Variants in RALGPS2 observed in about 807,000 individuals in gnomAD.
RALGPS2 encodes Ral GEF with PH domain and SH3 binding motif 2.
Under a neutral mutation model 86.8 loss-of-function variants are expected in RALGPS2, and 43 were observed. The observed-to-expected ratio is 0.50, with a 90% confidence interval of 0.39 to 0.64. The LOEUF (loss-of-function observed/expected upper bound fraction) is 0.64. Ranked by LOEUF, RALGPS2 falls within the 30% of genes least tolerant of loss-of-function variation. The probability of loss-of-function intolerance (pLI) is 0.00; values close to 1 mark genes in which losing one functional copy is unlikely to be tolerated. For synonymous variants in RALGPS2, 243 were observed against 231.3 expected (o/e 1.05, Z -0.46); for missense variants, 536 against 694.6 (o/e 0.77, Z 2.57).
Position 178,886,028 on chromosome 1 carries a change from C to T in RALGPS2, c.1100C>T (p.Pro367Leu). ...AGTGCAACGTTTCCAAATGCAGGAC[C>T]AAGACATCTGTTAGATGATAGCGTC... ...FKSATFPNAG[P>L]RHLLDDSVME... Residue 367 changes from proline to leucine, a missense_variant, in exon 13 of 20, where the codon CCA (proline) becomes CTA (leucine). By Grantham distance (98) the Pro-to-Leu change is moderately conservative (BLOSUM62 -3). This residue lies in a region of RALGPS2 where 309 missense variants were observed against 363.0 expected (regional missense o/e 0.85). Transcript: ENST00000367635. 1 of 1,612,768 alleles carries T rather than the reference C, an allele frequency of 6.2e-7. No homozygotes were observed. Among genetic ancestry groups the T allele is most frequent in the Non-Finnish European group, 8.5e-7 (1 of 1,179,338 alleles).
At chr1:178,789,533 A>G (rs1439940754) in intron 4 of RALGPS2, among the ~76,000 whole-genome samples, 1 of 152,232 alleles carries the variant, frequency 6.6e-6, no homozygotes, top group African/African-American at 2.4e-5. Context: ...GAGAAAGGCT[A>G]GAGGAACAGA....
chr1:178,856,394 ATTTTTTT>A (rs71108081), intron 8 of RALGPS2, among the ~76,000 whole-genome samples: 513 of 36,370 alleles, frequency 0.014, 3 homozygotes, highest in African/African-American at 0.023. Flanking sequence ...TGCCTGGCTA[ATTTTTTT>A]TTTTTTTTTT....
chr1:178,743,855 A>G lies in RALGPS2; in HGVS notation c.-84+18436A>G, dbSNP rs536431439. Among the ~76,000 whole-genome samples the G allele has an allele frequency of 1.5e-4, 23 of 152,332 alleles. No individual in the cohort carries two copies. The South Asian group carries it at 4.1e-3, about 27-fold the overall frequency. Reference sequence around the variant, plus strand: ...TTAAAGAAATTGAATTTGTGATTACAATATTTCCACACCAAAAAAAAACCC... The same window carrying G: ...TTAAAGAAATTGAATTTGTGATTACGATATTTCCACACCAAAAAAAAACCC... On this transcript the variant is annotated intron_variant, in intron 1 of 19. Transcript: ENST00000367635.
intron 8 of RALGPS2, chr1:178,865,487 C>T (rs199755875): frequency 1.5e-5 from 25 of 1,613,934 alleles, no homozygotes; most frequent in Middle Eastern, 1.6e-4. Flanking sequence ...ATCTATCTCC[C>T]GCTTCTGCCT....
chr1:178,886,851 GA>G (rs1659504969), intron 13 of RALGPS2, among the ~76,000 whole-genome samples: 2 of 152,204 alleles, frequency 1.3e-5, no homozygotes, highest in African/African-American at 4.8e-5. Context: ...CTGAATGTGT[GA>G]ATATCAAATG....
rs528735623 is a variant in RALGPS2, at chr1:178,761,723, G to A, written c.-83-14959G>A. Reference sequence around the variant, plus strand: ...TTACAGGCACGCACCATCACACCTGGCTAATTTTTGTGTTTTTAGTAGAGA... The same window carrying A: ...TTACAGGCACGCACCATCACACCTGACTAATTTTTGTGTTTTTAGTAGAGA... On this transcript the variant is annotated intron_variant, in intron 1 of 19. Coordinates refer to ENST00000367635, the MANE Select transcript of RALGPS2 (RefSeq NM_152663.5). Among the ~76,000 whole-genome samples the A allele has an allele frequency of 2.0e-5, 3 of 151,948 alleles. No homozygotes were observed. In the South Asian group the frequency reaches 6.3e-4, roughly 32 times the overall value.
At chr1:178,755,728 A>C (rs1412529484) in intron 1 of RALGPS2, among the ~76,000 whole-genome samples, 1 of 152,204 alleles carries the variant, frequency 6.6e-6, no homozygotes, top group Non-Finnish European at 1.5e-5. Flanking sequence ...GCTGTGTCAA[A>C]TGGTAGTTCT....
chr1:178,779,006 T>C (rs567030409), intron 2 of RALGPS2, among the ~76,000 whole-genome samples: 63 of 152,330 alleles, frequency 4.1e-4, no homozygotes, highest in African/African-American at 1.5e-3. Context: ...AATTTCTTTT[T>C]AGAGTATTTT....
intron 1 of RALGPS2, among the ~76,000 whole-genome samples, chr1:178,736,213 T>TG (rs1650694870): frequency 6.7e-6 from 1 of 148,984 alleles, no homozygotes; most frequent in Non-Finnish European, 1.5e-5. Context: ...TCGCCCAGCC[T>TG]GGAGTGCAGT....
At chr1:178,733,835 G>A (rs1312699111) in intron 1 of RALGPS2, among the ~76,000 whole-genome samples, 1 of 152,170 alleles carries the variant, frequency 6.6e-6, no homozygotes, top group Non-Finnish European at 1.5e-5. Context: ...GACACAAAGT[G>A]ACACCAAAAG....
chr1:178,820,219 T>A (rs1490185514), intron 6 of RALGPS2, among the ~76,000 whole-genome samples: 1 of 152,196 alleles, frequency 6.6e-6, no homozygotes. Flanking sequence ...AACAAAACTT[T>A]GACTTTTCAG....
chr1:178,816,498 G>A (rs756042559), intron 6 of RALGPS2, among the ~76,000 whole-genome samples: 6 of 151,898 alleles, frequency 4.0e-5, no homozygotes, highest in Non-Finnish European at 8.8e-5. Context: ...TCAGAAATAA[G>A]TATTTTTTCC....
At chr1:178,809,796 T>A (rs55958411) in intron 5 of RALGPS2, among the ~76,000 whole-genome samples, 2 of 152,046 alleles carry the variant, frequency 1.3e-5, no homozygotes, top group Non-Finnish European at 2.9e-5. Flanking sequence ...AGGCAGGGGC[T>A]GCATGGTCTT....
chr1:178,790,374 CAT>C (rs1242672419), intron 4 of RALGPS2, among the ~76,000 whole-genome samples: 1 of 152,162 alleles, frequency 6.6e-6, no homozygotes, highest in Non-Finnish European at 1.5e-5. Context: ...ATATTAAAGA[CAT>C]ATAACAAAGC....
chr1:178,765,773 C>G lies in RALGPS2; in HGVS notation c.-83-10909C>G, dbSNP rs567800012. On this transcript the variant is annotated intron_variant, in intron 1 of 19. Coordinates refer to ENST00000367635, the MANE Select transcript of RALGPS2 (RefSeq NM_152663.5). The stretch of plus-strand genomic sequence containing the variant: ...AGAGATCTCCCTTTGGTAATGCATT[C>G]TCTTTCTCAGGGATGTTGCTTGCTG... Among the ~76,000 whole-genome samples the G allele has an allele frequency of 3.3e-5, 5 of 152,310 alleles. No individual in the cohort carries two copies. In the East Asian group the frequency reaches 9.7e-4, roughly 29 times the overall value.
rs965857576 is a variant in RALGPS2, at chr1:178,920,961, G to A, written c.*4602G>A. Reference sequence around the variant, plus strand: ...AAGTAAAAATATCTCTAATATATAAGTTAAAGGAAAGTTAAGAGACTAAGC... The same window carrying A: ...AAGTAAAAATATCTCTAATATATAAATTAAAGGAAAGTTAAGAGACTAAGC... On this transcript the variant is annotated 3_prime_UTR_variant, in exon 20 of 20. Transcript: ENST00000367635. 2.0e-5 allele frequency: 3 copies of A among 151,934 alleles called. No homozygotes were observed. Among genetic ancestry groups the A allele is most frequent in the African/African-American group, 7.2e-5 (3 of 41,386 alleles). The allele number at this position is 151,934 out of a possible 1,614,324, so 9.4% of individuals were successfully genotyped here. A position where few individuals can be genotyped will look rare whatever the true frequency, so the allele number is the denominator to read the frequency against.
intron 6 of RALGPS2, among the ~76,000 whole-genome samples, chr1:178,818,388 T>C (rs1192016536): frequency 6.6e-6 from 1 of 151,936 alleles, no homozygotes; most frequent in African/African-American, 2.4e-5. Flanking sequence ...AGAAGCTGAT[T>C]TTTCTGATCC....
At chr1:178,914,534 A>G (rs1009171227) in intron 19 of RALGPS2, among the ~76,000 whole-genome samples, 1 of 151,778 alleles carries the variant, frequency 6.6e-6, no homozygotes, top group African/African-American at 2.4e-5. Flanking sequence ...ACTCTCAGAA[A>G]ATCGGTGATT....
intron 1 of RALGPS2, among the ~76,000 whole-genome samples, chr1:178,734,346 T>G (rs1650555845): frequency 6.6e-6 from 1 of 152,154 alleles, no homozygotes; most frequent in Admixed American, 6.5e-5. Flanking sequence ...CAGCAGTTCC[T>G]CTCCTAGAAC....
Sources: allele counts gnomAD v4.1 joint callset (sites outside exome capture counted in the v4.1 genomes callset), GRCh38; gene constraint gnomAD v4.1.1; regional missense constraint gnomAD v4.1.1; transcripts MANE v1.5; gene names NCBI Gene and HGNC (gene_info 2026-07-23, HGNC 2026-07-21).